The following NOL4 variants were observed in gnomAD, a reference collection of about 807,000 sequenced individuals.
The protein encoded by NOL4 is cancer/testis antigen 125.
Under a neutral mutation model 75.9 loss-of-function variants are expected in NOL4, and 17 were observed. The observed-to-expected ratio is 0.22, with a 90% CI of 0.15 to 0.34. The LOEUF is 0.34. Ranked by LOEUF, NOL4 falls within the 10% of genes least tolerant of loss-of-function variation. The probability of loss-of-function intolerance (pLI) is 1.00; values close to 1 mark genes in which losing one functional copy is unlikely to be tolerated. For synonymous variants in NOL4, 292 were observed against 289.9 expected, an observed-to-expected ratio of 1.01 and a Z score of -0.07; for missense variants, 614 against 793.5, an observed-to-expected ratio of 0.77 and a Z score of 2.72.
chr18:34,059,145 A>G (rs993712325), intron 5 of NOL4, among the ~76,000 whole-genome samples: 29 of 138,364 alleles, frequency 2.1e-4, no homozygotes, highest in Non-Finnish European at 4.0e-4. Context: ...ATATATATAT[A>G]TATATATATA....
chr18:34,116,159 T>G (rs1433502169), intron 2 of NOL4, among the ~76,000 whole-genome samples: 1 of 152,190 alleles, frequency 6.6e-6, no homozygotes, highest in Non-Finnish European at 1.5e-5. Context: ...TTTGATGGAC[T>G]GAACAATAAA....
intron 2 of NOL4, among the ~76,000 whole-genome samples, chr18:34,120,873 C>T (rs1330852047): frequency 6.6e-6 from 1 of 152,064 alleles, no homozygotes; most frequent in Non-Finnish European, 1.5e-5. Context: ...GAATTTGGTA[C>T]TATATCAGTA....
At chr18:34,073,814 G>GA (rs1233664844) in intron 5 of NOL4, among the ~76,000 whole-genome samples, 1 of 151,748 alleles carries the variant, frequency 6.6e-6, no homozygotes, top group Non-Finnish European at 1.5e-5. Flanking sequence ...TTCCAGAAAA[G>GA]AAAAAAACAA....
At chr18:34,076,513 T>A (rs1385447739) in intron 5 of NOL4, among the ~76,000 whole-genome samples, 1 of 151,970 alleles carries the variant, frequency 6.6e-6, no homozygotes, top group Non-Finnish European at 1.5e-5. Context: ...ACGATGAAAA[T>A]GATATTCCTA....
At chr18:33,979,151 G>C (rs1295690088) in intron 6 of NOL4, among the ~76,000 whole-genome samples, 3 of 152,018 alleles carry the variant, frequency 2.0e-5, no homozygotes, top group African/African-American at 7.2e-5. Context: ...TGAATGTTTA[G>C]ATTATAGAGG....
At position 34,021,215 on chromosome 18, in the gene NOL4, T is replaced by C. The variant is rs144218816; in HGVS notation, c.773-1614A>G. On this transcript the variant is annotated intron_variant, in intron 5 of 10. Coordinates refer to ENST00000261592, the MANE Select transcript of NOL4 (RefSeq NM_003787.5). ...AGAGACAGAAAAACAAACATGCTATTAAAATGCAGAGCAAGAAGGCTGTGA... is the reference window on the plus strand; with the variant it reads ...AGAGACAGAAAAACAAACATGCTATCAAAATGCAGAGCAAGAAGGCTGTGA... 1.8e-3 allele frequency among the ~76,000 whole-genome samples: 270 copies of C among 152,270 alleles called. 6 individuals are homozygous for C. The East Asian group carries it at 0.048, about 27-fold the overall frequency.
rs1555711657 is a variant in NOL4 at position 34,064,948 on chromosome 18, C to CACAA, written c.772+28516_772+28517insTTGT. Among the ~76,000 whole-genome samples, 219 of 59,370 alleles carry CACAA rather than the reference C, an allele frequency of 3.7e-3. 1 individual carries two copies. Among genetic ancestry groups the CACAA allele is most frequent in the African/African-American group, 9.2e-3 (207 of 22,534 alleles). 38.9% of individuals were successfully genotyped at this position (59,370 alleles called of 152,430 possible). ...ACACACACACACACACACACACACA[C>CACAA]ACACATCATATGTGTCTTGTTTTTA... On this transcript the variant is annotated intron_variant, in intron 5 of 10. Coordinates refer to ENST00000261592, the MANE Select transcript of NOL4 (RefSeq NM_003787.5).
At chr18:34,204,281 T>C (rs2035966949) in intron 1 of NOL4, among the ~76,000 whole-genome samples, 7 of 152,108 alleles carry the variant, frequency 4.6e-5, no homozygotes, top group Admixed American at 4.6e-4. Flanking sequence ...TAATCTCAGG[T>C]GATGATTAGT....
intron 9 of NOL4, among the ~76,000 whole-genome samples, chr18:33,941,565 T>C (rs2068478450): frequency 6.6e-6 from 1 of 151,918 alleles, no homozygotes; most frequent in African/African-American, 2.4e-5. Flanking sequence ...AGCATCAGTC[T>C]TTTCTAGACT....
intron 1 of NOL4, among the ~76,000 whole-genome samples, chr18:34,210,022 T>C (rs2036406553): frequency 6.6e-6 from 1 of 152,192 alleles, no homozygotes; most frequent in Admixed American, 6.5e-5. Context: ...ACACTTCCTA[T>C]GTTAATTTAA....
At chr18:33,853,277 G>A (rs2062699330) in intron 10 of NOL4, among the ~76,000 whole-genome samples, 1 of 152,100 alleles carries the variant, frequency 6.6e-6, no homozygotes, top group Non-Finnish European at 1.5e-5. Context: ...ACCTCTTGCT[G>A]TAGAGAGATG....
chr18:34,192,647 T>A (rs1383602453), intron 1 of NOL4, among the ~76,000 whole-genome samples: 1 of 152,210 alleles, frequency 6.6e-6, no homozygotes, highest in Non-Finnish European at 1.5e-5. Flanking sequence ...TTGGGACAAC[T>A]TGATATCCTC....
rs542784438 is a variant in NOL4 at position 34,000,754 on chromosome 18, T to C, written c.1056+18564A>G. Among the ~76,000 whole-genome samples the C allele has an allele frequency of 2.6e-5, 4 of 152,234 alleles. No homozygotes were observed. In the Middle Eastern group the frequency reaches 0.01, roughly 388 times the overall value. On this transcript the variant is annotated intron_variant, in intron 6 of 10. Coordinates refer to ENST00000261592, the MANE Select transcript of NOL4 (RefSeq NM_003787.5). ...CATCTCAAGGGAACAAAAATATCCATATTATTAATTATGGGCAAAGGTTAT... is the reference window on the plus strand; with the variant it reads ...CATCTCAAGGGAACAAAAATATCCACATTATTAATTATGGGCAAAGGTTAT...
At chr18:34,161,982 T>G (rs7240763) in intron 1 of NOL4, among the ~76,000 whole-genome samples, 2 of 151,910 alleles carry the variant, frequency 1.3e-5, no homozygotes, top group African/African-American at 4.8e-5. Context: ...ATTATCCTCC[T>G]AACTTCTAAA....
At chr18:34,037,006 A>G (rs1445373916) in intron 5 of NOL4, among the ~76,000 whole-genome samples, 2 of 152,218 alleles carry the variant, frequency 1.3e-5, no homozygotes, top group Non-Finnish European at 2.9e-5. Context: ...TGCAGATGAC[A>G]TAATCCTATA....
chr18:34,142,831 T>G (rs1341998491), intron 1 of NOL4, among the ~76,000 whole-genome samples: 1 of 152,002 alleles, frequency 6.6e-6, no homozygotes, highest in Admixed American at 6.6e-5. Context: ...AAAGTCTAAA[T>G]AAATAAATAA....
rs759261839 is a variant in NOL4, at chr18:34,208,938, G to A, written c.264+14052C>T. ...TTAAAGCAAGAAATAGGCCAGGTGC[G>A]ATGGCTCATACCTGTAATCCTAGCA... On this transcript the variant is annotated intron_variant, in intron 1 of 10. Transcript: ENST00000261592. 8.6e-4 allele frequency among the ~76,000 whole-genome samples: 130 copies of A among 151,732 alleles called. 1 individual carries two copies. Among genetic ancestry groups the A allele is most frequent in the South Asian group, 2.1e-4 (1 of 4,806 alleles).
chr18:33,962,929 T>A (rs1202326058), intron 6 of NOL4, among the ~76,000 whole-genome samples: 1 of 152,198 alleles, frequency 6.6e-6, no homozygotes, highest in African/African-American at 2.4e-5. Context: ...CTTGCAGATC[T>A]GAAAATATTC....
chr18:34,214,773 A>G (rs1333657511), intron 1 of NOL4, among the ~76,000 whole-genome samples: 1 of 152,186 alleles, frequency 6.6e-6, no homozygotes, highest in African/African-American at 2.4e-5. Flanking sequence ...ATGGCCATCA[A>G]CTAATGAATG....
Sources: allele counts gnomAD v4.1 joint callset (sites outside exome capture counted in the v4.1 genomes callset), GRCh38; gene constraint gnomAD v4.1.1; transcripts MANE v1.5; gene names NCBI Gene and HGNC (gene_info 2026-07-23, HGNC 2026-07-21).